DNAAF8: variants seen among roughly 807,000 people sequenced by gnomAD.
DNAAF8 encodes dynein axonemal assembly factor 8, also known as dynein axonemal-associated protein 1.
In DNAAF8, 61 loss-of-function variants were observed where a neutral mutation model predicts 54.6. The ratio of observed to expected loss-of-function variants is 1.12; its 90% confidence interval spans 0.91 to 1.38. DNAAF8 has a LOEUF of 1.38. DNAAF8 is among the 40% of genes most tolerant of loss of function. The probability of loss-of-function intolerance (pLI) is 0.00; values close to 1 mark genes in which losing one functional copy is unlikely to be tolerated. For missense variants in DNAAF8, 837 were observed against 665.0 expected (o/e 1.26, Z -2.85); for synonymous variants, 320 against 270.1 (o/e 1.18, Z -1.81).
At position 4,737,881 on chromosome 16, in the gene DNAAF8, G is replaced by A. The variant is rs747868724; in HGVS notation, c.211G>A (p.Glu71Lys). The A allele has an allele frequency of 6.2e-7, 1 of 1,614,216 alleles. No individual in the cohort carries two copies. The highest frequency in any genetic ancestry group is 1.7e-5 in the Admixed American group (1 of 60,028). ...TCCAGACCTGTCGGAGGAGCTGGCT[G>A]AAGATCCTGCCGATGGCGACAAGTC... Reference protein sequence around the residue: ...LIPDLSEELAEDPADGDKSRA... With the variant: ...LIPDLSEELAKDPADGDKSRA... The change falls in exon 3 of 10, where the codon GAA becomes AAA. Residue 71 changes from glutamate to lysine, a missense_variant. By Grantham distance (56) the Glu-to-Lys change is moderately conservative. Coordinates refer to ENST00000299320, the MANE Select transcript of DNAAF8 (RefSeq NM_139170.3).
chr16:4,739,265 G>GTTTTTTTTTTTTTTTTTGT (rs2081932220), intron 3 of DNAAF8, among the ~76,000 whole-genome samples: 1 of 69,030 alleles, frequency 1.4e-5, no homozygotes, highest in Non-Finnish European at 2.6e-5. Flanking sequence ...ATTTTTTCTT[G>GTTTTTTTTTTTTTTTTTGT]TTTTTTTTTT....
intron 3 of DNAAF8, 150 bp downstream of exon 3, chr16:4,738,096 C>T (rs2081918538): frequency 3.0e-6 from 3 of 1,003,362 alleles, no homozygotes; most frequent in Non-Finnish European, 4.2e-6. Context: ...ATTCAGATGC[C>T]CAACATCTAA....
At chr16:4,740,783 C>T in intron 4 of DNAAF8, 124 bp downstream of exon 4, 6 of 1,234,918 alleles carry the variant, frequency 4.9e-6, no homozygotes, top group Non-Finnish European at 5.5e-6. Flanking sequence ...GCCCATTATC[C>T]ACCATTCTGT....
intron 7 of DNAAF8, 102 bp downstream of exon 7, chr16:4,746,614 T>C: frequency 7.2e-7 from 1 of 1,391,050 alleles, no homozygotes; most frequent in Non-Finnish European, 9.8e-7. Flanking sequence ...GAACAGGGAC[T>C]TCAAAAGGCT....
chr16:4,744,437 C>T (rs2081987289), intron 5 of DNAAF8, among the ~76,000 whole-genome samples: 1 of 151,074 alleles, frequency 6.6e-6, no homozygotes, highest in African/African-American at 2.4e-5. Context: ...CACTGCGGCT[C>T]GATGAGGGGA....
At chr16:4,740,845 G>T (rs1354600869) in intron 4 of DNAAF8, among the ~76,000 whole-genome samples, 186 bp downstream of exon 4, 1 of 152,106 alleles carries the variant, frequency 6.6e-6, no homozygotes, top group Non-Finnish European at 1.5e-5. Flanking sequence ...CATCCTGGGG[G>T]AGGGTTAACA....
At chr16:4,745,506 A>G (rs1466957463) in intron 6 of DNAAF8, among the ~76,000 whole-genome samples, 1 of 152,238 alleles carries the variant, frequency 6.6e-6, no homozygotes, top group African/African-American at 2.4e-5. Flanking sequence ...AGGTGGAGGC[A>G]GGGCCCCAGG....
chr16:4,744,847 G>A, intron 5 of DNAAF8, 23 bp from the exon 6 acceptor site: 1 of 1,605,790 alleles, frequency 6.2e-7, no homozygotes, highest in South Asian at 1.1e-5. Flanking sequence ...CCACTAATCA[G>A]CCTCTCCTTT....
In DNAAF8 at chr16:4,737,941, C is replaced by G; in HGVS notation, c.271C>G (p.Pro91Ala). Reference protein sequence around the residue: ...AWVAAAEESLPEPVLVPAELA... With the variant: ...AWVAAAEESLAEPVLVPAELA... ...GGTCGCTGCAGCTGAAGAGTCCCTT[C>G]CCGAGGTCTGTGGGACACAGAAGAG... Residue 91 changes from proline to alanine, a missense_variant, in exon 3 of 10, where the codon CCC becomes GCC. Pro to Ala is a conservative substitution (Grantham distance 27). Transcript: ENST00000299320. 6.2e-7 allele frequency: 1 copy of G among 1,614,168 alleles called. No homozygotes were observed. Among genetic ancestry groups the G allele is most frequent in the Non-Finnish European group, 8.5e-7 (1 of 1,180,002 alleles).
At position 4,744,888 on chromosome 16, in the gene DNAAF8, C is replaced by A. The variant is rs201609390; in HGVS notation, c.920C>A (p.Ala307Asp). 6.2e-7 allele frequency: 1 copy of A among 1,613,578 alleles called. No individual in the cohort carries two copies. Among genetic ancestry groups the A allele is most frequent in the East Asian group, 2.2e-5 (1 of 44,874 alleles). The change falls in exon 6 of 10, where the codon GCC becomes GAC. Residue 307 changes from alanine to aspartate, a missense_variant. Transcript: ENST00000299320. The part of the protein sequence containing the change: ...RQVQDRMVPS[A>D]HNRLMEQLAL... ...TCCTCAGACCGCATGGTGCCGAGCG[C>A]CCACAACAGGCTCATGGAACAGCTG...
At chr16:4,741,670 C>G (rs189245715) in intron 4 of DNAAF8, among the ~76,000 whole-genome samples, 2 of 151,872 alleles carry the variant, frequency 1.3e-5, no homozygotes, top group African/African-American at 4.8e-5. Context: ...TGTGGTGGTG[C>G]GCGCCTGTAG....
In DNAAF8 at chr16:4,740,221, A is replaced by C. The variant is rs1308881256; in HGVS notation, c.345A>C (p.Ala115=). 6.2e-7 allele frequency: 1 copy of C among 1,614,104 alleles called. No homozygotes were observed. The highest frequency in any genetic ancestry group is 1.1e-5 in the South Asian group (1 of 91,080). ...GCRQNTRTKD[A]SSQEGRDPGR... is the part of the protein sequence containing the mutation. ...GACAGAACACAAGGACAAAGGATGC[A>C]TCCTCTCAGGAAGGAAGAGACCCTG... Residue 115 remains alanine, a synonymous_variant, in exon 4 of 10, where the codon GCA becomes GCC. Transcript: ENST00000299320.
chr16:4,739,372 TGACTTGTACTCTAGCTTGGG>T (rs1186118323), intron 3 of DNAAF8, among the ~76,000 whole-genome samples: 1 of 146,064 alleles, frequency 6.8e-6, no homozygotes, highest in Non-Finnish European at 1.5e-5. Context: ...GGTGGAAGGA[TGACTTGTACTCTAGCTTGGG>T]GTATGAATTT....
Position 4,740,666 on chromosome 16 carries a change from G to A in DNAAF8, c.783+7G>A, listed in dbSNP as rs559978464. On this transcript the variant is annotated splice_region_variant and intron_variant, in intron 4 of 9. Coordinates refer to ENST00000299320, the MANE Select transcript of DNAAF8 (RefSeq NM_139170.3). ...ACCAGTGCTCTCGCTCCAGGTAGGC[G>A]CCTCCCCGTGCCTGGCTGTTTCTCA... The A allele has an allele frequency of 2.6e-5, 41 of 1,569,590 alleles. No homozygotes were observed. The South Asian group carries it at 2.8e-4, about 11-fold the overall frequency.
At chr16:4,735,104 C>G (rs1173953968) in intron 1 of DNAAF8, 2 of 152,352 alleles carry the variant, frequency 1.3e-5, no homozygotes, top group Admixed American at 1.3e-4. Flanking sequence ...ACACTTTCTT[C>G]CCTTAAACCT....
At chr16:4,742,826 G>A (rs1344964458) in intron 4 of DNAAF8, among the ~76,000 whole-genome samples, 1 of 152,202 alleles carries the variant, frequency 6.6e-6, no homozygotes. Flanking sequence ...AGCATAGGAA[G>A]GAGGTGGCAA....
intron 3 of DNAAF8, among the ~76,000 whole-genome samples, chr16:4,738,171 C>T (rs1366248623): frequency 6.6e-6 from 1 of 152,166 alleles, no homozygotes; most frequent in Admixed American, 6.5e-5. Flanking sequence ...GCTTGATTTT[C>T]CATCCGATTT....
rs775735405 is a variant in DNAAF8 at position 4,737,840 on chromosome 16, A to C, written c.170A>C (p.Asn57Thr). 2.5e-6 allele frequency: 4 copies of C among 1,614,020 alleles called. No homozygotes were observed. The highest frequency in any genetic ancestry group is 1.3e-5 in the African/African-American group (1 of 74,918). The change falls in exon 3 of 10, where the codon AAC becomes ACC. Residue 57 changes from asparagine (N) to threonine (T), a missense_variant. Physicochemically the swap from Asn to Thr is moderately conservative, Grantham distance 65. Coordinates refer to ENST00000299320, the MANE Select transcript of DNAAF8 (RefSeq NM_139170.3). ...GEEELFIFQRNQTSLIPDLSE... is the reference protein window; with the variant it reads ...GEEELFIFQRTQTSLIPDLSE... ...GAGGAGCTGTTCATCTTCCAGCGAA[A>C]CCAAACCTCCCTGATTCCAGACCTG...
At chr16:4,745,071 A>T in intron 6 of DNAAF8, 60 bp downstream of exon 6, 1 of 1,570,308 alleles carries the variant, frequency 6.4e-7, no homozygotes, top group Non-Finnish European at 8.7e-7. Flanking sequence ...ATGGTTTTGT[A>T]GCACTGACTG....
Sources: gnomAD v4.1 joint callset for allele counts (sites outside exome capture counted in the v4.1 genomes callset) on GRCh38, gnomAD v4.1.1 for gene constraint, MANE v1.5 for transcripts, NCBI Gene and HGNC (gene_info 2026-07-23, HGNC 2026-07-21) for gene names.